Variants in SLC25A21 observed in about 807,000 individuals in gnomAD.
SLC25A21 encodes mitochondrial 2-oxodicarboxylate carrier.
In SLC25A21, 47 loss-of-function variants were observed where a neutral mutation model predicts 43.8. The observed-to-expected ratio is 1.07, with a 90% CI of 0.85 to 1.37. SLC25A21 has a LOEUF of 1.37. Among genes scored for constraint, SLC25A21 ranks in the 40% most tolerant of loss-of-function variants. The pLI, the probability that SLC25A21 is intolerant of heterozygous loss-of-function variation, is 0.00. For synonymous variants in SLC25A21, 131 were observed against 121.3 expected (o/e 1.08, Z -0.52); for missense variants, 352 against 350.2 (o/e 1.00, Z -0.04).
At chr14:36,727,236 A>G (rs1338092062) in intron 5 of SLC25A21, among the ~76,000 whole-genome samples, 3 of 152,236 alleles carry the variant, frequency 2.0e-5, no homozygotes, top group African/African-American at 4.8e-5. Flanking sequence ...TGTTGTATAC[A>G]TTGCTGAATC....
At chr14:36,730,653 T>C (rs185973787) in intron 4 of SLC25A21, among the ~76,000 whole-genome samples, 3 of 152,326 alleles carry the variant, frequency 2.0e-5, no homozygotes, top group South Asian at 2.1e-4. Context: ...TTGATTCTTT[T>C]CAACACTCAG....
chr14:36,727,081 C>G (rs1294901503), intron 5 of SLC25A21, among the ~76,000 whole-genome samples: 1 of 152,156 alleles, frequency 6.6e-6, no homozygotes. Flanking sequence ...TGTGCATAGA[C>G]AAAGGTGCCC....
intron 1 of SLC25A21, among the ~76,000 whole-genome samples, chr14:37,114,797 A>T (rs201178247): frequency 8.3e-6 from 1 of 120,318 alleles, no homozygotes; most frequent in Non-Finnish European, 1.8e-5. Context: ...GCGGGGGGGG[A>T]ATTGGTGGTT....
chr14:36,693,762 T>C (rs888343856), intron 7 of SLC25A21, among the ~76,000 whole-genome samples: 1 of 151,942 alleles, frequency 6.6e-6, no homozygotes, highest in African/African-American at 2.4e-5. Context: ...GCTTCCCGAG[T>C]AGCTGGACTA....
chr14:36,869,955 G>A (rs1423903744), intron 2 of SLC25A21, among the ~76,000 whole-genome samples: 1 of 152,114 alleles, frequency 6.6e-6, no homozygotes. Flanking sequence ...GGAAATAGTA[G>A]GGAAAAGGAA....
rs181762470 is a variant in SLC25A21, at chr14:36,827,756, G to A, written c.120-13755C>T. Among the ~76,000 whole-genome samples, 628 of 152,262 alleles carry A rather than the reference G, an allele frequency of 4.1e-3. 12 individuals are homozygous for A. Among genetic ancestry groups the A allele is most frequent in the Admixed American group, 0.037 (559 of 15,282 alleles). ...TAAAAGGTTATGAAAATAACATGGT[G>A]TATACAATAAATACATACAATTTTT... On this transcript the variant is annotated intron_variant, in intron 2 of 9. Coordinates refer to ENST00000331299, the MANE Select transcript of SLC25A21 (RefSeq NM_030631.4).
intron 7 of SLC25A21, among the ~76,000 whole-genome samples, chr14:36,686,774 C>G (rs931192313): frequency 1.3e-5 from 2 of 152,078 alleles, no homozygotes; most frequent in Admixed American, 1.3e-4. Context: ...CGTTGTCCTT[C>G]TGGGAAGTTT....
At chr14:36,695,018 C>A (rs1882955132) in intron 7 of SLC25A21, among the ~76,000 whole-genome samples, 2 of 152,146 alleles carry the variant, frequency 1.3e-5, no homozygotes, top group Non-Finnish European at 2.9e-5. Flanking sequence ...CCTAGGTTTT[C>A]TTCTAGGGTT....
intron 1 of SLC25A21, among the ~76,000 whole-genome samples, chr14:36,939,028 T>C (rs1892493341): frequency 1.3e-5 from 2 of 152,170 alleles, no homozygotes; most frequent in Non-Finnish European, 2.9e-5. Context: ...GATACATTAA[T>C]TTATTGCTTA....
At chr14:37,119,052 C>A (rs564882620) in intron 1 of SLC25A21, among the ~76,000 whole-genome samples, 359 of 152,252 alleles carry the variant, frequency 2.4e-3, no homozygotes, top group Non-Finnish European at 4.3e-3. Flanking sequence ...CTCCAGTAAT[C>A]CTCACTGCTC....
chr14:36,881,551 C>T lies in SLC25A21; in HGVS notation c.71-6547G>A, dbSNP rs117806369. ...TTTCAGAGATTTAGAATGCTTACAA[C>T]GTAAAGCAGAAGATCTTATCTCCAC... On this transcript the variant is annotated intron_variant, in intron 1 of 9. Transcript: ENST00000331299. 4.5e-3 allele frequency among the ~76,000 whole-genome samples: 681 copies of T among 152,258 alleles called. 6 individuals carry two copies. Among genetic ancestry groups the T allele is most frequent in the Middle Eastern group, 0.01 (3 of 294 alleles).
chr14:37,152,926 T>C (rs1963784209), intron 1 of SLC25A21, among the ~76,000 whole-genome samples: 1 of 152,026 alleles, frequency 6.6e-6, no homozygotes, highest in South Asian at 2.1e-4. Flanking sequence ...AAATACGTTA[T>C]CCAAGACAGA....
chr14:36,886,168 C>T (rs1238328888), intron 1 of SLC25A21, among the ~76,000 whole-genome samples: 2 of 152,028 alleles, frequency 1.3e-5, no homozygotes, highest in African/African-American at 4.8e-5. Flanking sequence ...GATAGCCTGC[C>T]CAGAAAATGT....
chr14:36,776,903 G>A (rs1416355867), intron 3 of SLC25A21, among the ~76,000 whole-genome samples: 1 of 152,100 alleles, frequency 6.6e-6, no homozygotes. Context: ...TTTCTCTACT[G>A]ACCTTGTTGG....
chr14:36,711,219 G>A, intron 7 of SLC25A21, 99 bp downstream of exon 7: 2 of 1,065,718 alleles, frequency 1.9e-6, no homozygotes, highest in African/African-American at 1.6e-5. Context: ...AGATGTAGGT[G>A]TCCAGCACAG....
intron 1 of SLC25A21, among the ~76,000 whole-genome samples, chr14:37,032,981 A>T (rs1004451273): frequency 6.6e-6 from 1 of 152,212 alleles, no homozygotes; most frequent in African/African-American, 2.4e-5. Context: ...GTTATTAAAA[A>T]AGAACACATA....
intron 1 of SLC25A21, among the ~76,000 whole-genome samples, chr14:37,024,333 G>A (rs969911667): frequency 6.6e-6 from 1 of 151,960 alleles, no homozygotes; most frequent in African/African-American, 2.4e-5. Context: ...CTGTCTAATG[G>A]TAGTGTCATT....
intron 9 of SLC25A21, 81 bp downstream of exon 9, chr14:36,683,747 T>C (rs1882398424): frequency 2.0e-6 from 2 of 987,532 alleles, no homozygotes; most frequent in East Asian, 5.0e-5. Flanking sequence ...AAATATTTTG[T>C]TGCTGATGGA....
intron 1 of SLC25A21, among the ~76,000 whole-genome samples, chr14:36,987,807 T>G (rs72667346): frequency 0.071 from 10,796 of 152,296 alleles, 417 homozygotes; most frequent in Admixed American, 0.082. Flanking sequence ...AAGGATCCAC[T>G]GACAAACTGC....
Sources: allele counts gnomAD v4.1 joint callset (sites outside exome capture counted in the v4.1 genomes callset), GRCh38; gene constraint gnomAD v4.1.1; transcripts MANE v1.5; gene names NCBI Gene and HGNC (gene_info 2026-07-23, HGNC 2026-07-21).